The following RSPH14 variants were observed in gnomAD, a reference collection of about 807,000 sequenced individuals.
The protein encoded by RSPH14 is rhabdoid tumor deletion region gene 1.
RSPH14 carries 20 observed loss-of-function variants against 26.7 expected under a neutral mutation model. The ratio of observed to expected loss-of-function variants is 0.75; its 90% CI spans 0.53 to 1.09. The LOEUF is 1.09. Among genes scored for constraint, RSPH14 ranks in the 50% least tolerant of loss-of-function variants. The probability of loss-of-function intolerance (pLI) is 0.00; values close to 1 mark genes in which losing one functional copy is unlikely to be tolerated. For missense variants in RSPH14, 449 were observed against 457.2 expected (o/e 0.98, Z 0.16); for synonymous variants, 177 against 189.3 (o/e 0.93, Z 0.53).
Position 23,140,211 on chromosome 22 carries a change from G to C in RSPH14, c.199+11C>G, listed in dbSNP as rs762270811. 1.4e-5 allele frequency: 23 copies of C among 1,612,576 alleles called. No homozygotes were observed. The highest frequency in any genetic ancestry group is 1.9e-5 in the Non-Finnish European group (23 of 1,180,028). On this transcript the variant is annotated intron_variant, in intron 2 of 6. Coordinates refer to ENST00000216036, the MANE Select transcript of RSPH14 (RefSeq NM_014433.3). ...CCCCAGTCATGGTCACCTGTGCTGT[G>C]TCACGCTCACCTATGTTCATGGCCT...
intron 4 of RSPH14, among the ~76,000 whole-genome samples, chr22:23,067,645 C>G (rs1396414018): frequency 6.6e-6 from 1 of 152,188 alleles, no homozygotes; most frequent in Non-Finnish European, 1.5e-5. Flanking sequence ...ACCACATGCT[C>G]TCTTCCCGTG....
chr22:23,145,349 G>T, upstream of RSPH14: 1 of 1,590,878 alleles, frequency 6.3e-7, no homozygotes. Context: ...CCAGACTCCA[G>T]GCAGGTTCTC....
chr22:23,135,714 G>C (rs2070465816), intron 3 of RSPH14, among the ~76,000 whole-genome samples: 2 of 152,034 alleles, frequency 1.3e-5, no homozygotes, highest in African/African-American at 4.8e-5. Context: ...GTCCCACATG[G>C]GGATTGATGA....
chr22:23,074,316 G>A (rs960246598), intron 4 of RSPH14, among the ~76,000 whole-genome samples: 1 of 152,194 alleles, frequency 6.6e-6, no homozygotes, highest in Non-Finnish European at 1.5e-5. Context: ...CCAGGGGTGG[G>A]AGCTCTGGAG....
Position 23,140,468 on chromosome 22 carries a change from A to G in RSPH14, c.-48T>C, listed in dbSNP as rs1445895369. 1 of 1,599,400 alleles carries G rather than the reference A, an allele frequency of 6.3e-7. No individual in the cohort carries two copies. Reference sequence around the variant, plus strand: ...TTCCAAATGAAGCTCTGCAGAAACCACTCACTAAAAGAGACCAAAAAGCTG... The same window carrying G: ...TTCCAAATGAAGCTCTGCAGAAACCGCTCACTAAAAGAGACCAAAAAGCTG... On this transcript the variant is annotated 5_prime_UTR_variant, in exon 2 of 7. Transcript: ENST00000216036.
the RSPH14 span, chr22:23,150,286 G>C: frequency 2.8e-6 from 2 of 704,366 alleles, no homozygotes; most frequent in East Asian, 5.5e-5. Context: ...AAGATGACTG[G>C]GGTTTTCTTT....
chr22:23,179,430 A>G, the RSPH14 span, among the ~76,000 whole-genome samples: 2 of 152,160 alleles, frequency 1.3e-5, no homozygotes, highest in East Asian at 3.9e-4. Flanking sequence ...CTGTGTCCCC[A>G]GAGAACCATC....
At chr22:23,167,892 A>T in the RSPH14 span, among the ~76,000 whole-genome samples, 6 of 151,764 alleles carry the variant, frequency 4.0e-5, no homozygotes, top group Non-Finnish European at 7.4e-5. Context: ...TCGCATTGTT[A>T]CCCAGGCTGG....
intron 4 of RSPH14, chr22:23,096,310 G>A (rs889615886): frequency 6.8e-6 from 11 of 1,613,930 alleles, no homozygotes; most frequent in Admixed American, 6.7e-5. Context: ...TGGGGGGGCA[G>A]AGGTCAGAGC....
the RSPH14 span, among the ~76,000 whole-genome samples, chr22:23,151,900 T>C: frequency 6.6e-6 from 1 of 152,182 alleles, no homozygotes. Flanking sequence ...GGTGTGCCCC[T>C]TGGCCTGTCG....
chr22:23,097,293 C>T (rs888741362), intron 4 of RSPH14, among the ~76,000 whole-genome samples: 2 of 152,204 alleles, frequency 1.3e-5, no homozygotes, highest in Non-Finnish European at 2.9e-5. Flanking sequence ...CCTCCGAGGT[C>T]ACTCCTTGCT....
chr22:23,068,005 T>A (rs2068249201), intron 4 of RSPH14, among the ~76,000 whole-genome samples: 1 of 152,188 alleles, frequency 6.6e-6, no homozygotes, highest in Non-Finnish European at 1.5e-5. Flanking sequence ...TAAAAACTTC[T>A]CCTCCTCCTT....
intron 4 of RSPH14, among the ~76,000 whole-genome samples, chr22:23,098,380 G>C (rs763259035): frequency 6.6e-6 from 1 of 152,214 alleles, no homozygotes; most frequent in Non-Finnish European, 1.5e-5. Context: ...TGAGCTCCTC[G>C]GGGCAGGCCC....
At chr22:23,161,446 G>C in the RSPH14 span, 3 of 1,465,452 alleles carry the variant, frequency 2.0e-6, no homozygotes, top group African/African-American at 4.2e-5. Flanking sequence ...CCCCTGCCCA[G>C]TGTCAGCTAC....
At chr22:23,072,595 A>T (rs1212799388) in intron 4 of RSPH14, among the ~76,000 whole-genome samples, 1 of 152,098 alleles carries the variant, frequency 6.6e-6, no homozygotes, top group African/African-American at 2.4e-5. Flanking sequence ...TCCCCACCCA[A>T]CACACACTTG....
At chr22:23,142,095 G>A, upstream of RSPH14, 3 of 930,720 alleles carry the variant, frequency 3.2e-6, no homozygotes, top group Non-Finnish European at 3.8e-6. Flanking sequence ...GGCGCAAACA[G>A]CCCAAGGCTG....
the RSPH14 span, among the ~76,000 whole-genome samples, chr22:23,151,309 A>G: frequency 1.3e-5 from 2 of 152,174 alleles, no homozygotes; most frequent in African/African-American, 4.8e-5. Flanking sequence ...AGGTGGGGAA[A>G]CTGAGGATCA....
intron 4 of RSPH14, among the ~76,000 whole-genome samples, chr22:23,073,924 C>T (rs1254329040): frequency 2.1e-5 from 3 of 143,888 alleles, no homozygotes; most frequent in East Asian, 2.0e-4. Context: ...GTGGGGGACA[C>T]GAGATGGGGG....
intron 4 of RSPH14, among the ~76,000 whole-genome samples, chr22:23,127,849 C>G (rs1448209010): frequency 6.6e-6 from 1 of 152,214 alleles, no homozygotes; most frequent in East Asian, 1.9e-4. Context: ...CCTTCCCAAG[C>G]CCAGTTCTCC....
Sources: allele counts gnomAD v4.1 joint callset (sites outside exome capture counted in the v4.1 genomes callset), GRCh38; gene constraint gnomAD v4.1.1; transcripts MANE v1.5; gene names NCBI Gene and HGNC (gene_info 2026-07-23, HGNC 2026-07-21).